Variants in LRBA observed in about 807,000 individuals in gnomAD.
LRBA encodes the protein LPS responsive beige-like anchor protein, also known as lipopolysaccharide-responsive and beige-like anchor protein.
LRBA carries 176 observed loss-of-function variants against 330.0 expected under a neutral mutation model. The observed-to-expected ratio is 0.53, with a 90% CI of 0.47 to 0.60. The LOEUF is 0.60. Ranked by LOEUF, LRBA falls within the 20% of genes least tolerant of loss-of-function variation. LRBA has a pLI of 0.00. For missense variants in LRBA, 3,259 were observed against 3,444.8 expected (o/e 0.95, Z 1.35); for synonymous variants, 1,230 against 1,193.0 (o/e 1.03, Z -0.64).
At chr4:150,665,335 GCA>G (rs1781469651) in intron 37 of LRBA, among the ~76,000 whole-genome samples, 1 of 152,164 alleles carries the variant, frequency 6.6e-6, no homozygotes, top group African/African-American at 2.4e-5. Flanking sequence ...AACAGTCTAA[GCA>G]CAGTGAGCCA....
At chr4:150,562,493 C>G (rs1768494579) in intron 40 of LRBA, among the ~76,000 whole-genome samples, 2 of 152,158 alleles carry the variant, frequency 1.3e-5, no homozygotes, top group South Asian at 4.1e-4. Flanking sequence ...CATCCTCCCA[C>G]ACCCTGCTAT....
chr4:150,491,526 T>C (rs560422645), intron 40 of LRBA, among the ~76,000 whole-genome samples: 34 of 152,236 alleles, frequency 2.2e-4, no homozygotes, highest in African/African-American at 7.7e-4. Flanking sequence ...ATGACACTTT[T>C]AAGGTCACTG....
intron 2 of LRBA, among the ~76,000 whole-genome samples, chr4:151,002,323 T>C (rs538316828): frequency 1.1e-4 from 16 of 151,496 alleles, no homozygotes; most frequent in African/African-American, 3.9e-4. Context: ...TCCCAGCACT[T>C]TGGAAGGCTG....
At chr4:150,649,303 T>C (rs893162399) in intron 37 of LRBA, among the ~76,000 whole-genome samples, 21 of 152,304 alleles carry the variant, frequency 1.4e-4, no homozygotes, top group Non-Finnish European at 3.1e-4. Flanking sequence ...TTTAAGATCC[T>C]TGACAATCAG....
intron 29 of LRBA, among the ~76,000 whole-genome samples, chr4:150,829,446 C>T (rs1399901623): frequency 6.6e-6 from 1 of 152,158 alleles, no homozygotes; most frequent in Non-Finnish European, 1.5e-5. Context: ...TTATCAAGGT[C>T]ACCAAAAAAT....
At chr4:150,692,452 G>A (rs112468522) in intron 36 of LRBA, among the ~76,000 whole-genome samples, 26 of 151,992 alleles carry the variant, frequency 1.7e-4, no homozygotes, top group Non-Finnish European at 2.9e-4. Flanking sequence ...ACTCCTGAGC[G>A]CAAGCAATCC....
At chr4:150,602,429 T>C (rs560266429) in intron 37 of LRBA, among the ~76,000 whole-genome samples, 4 of 152,310 alleles carry the variant, frequency 2.6e-5, no homozygotes, top group South Asian at 4.1e-4. Context: ...ATTTGAGATA[T>C]ATTTAAAGTC....
intron 37 of LRBA, among the ~76,000 whole-genome samples, chr4:150,655,332 G>C (rs1217737594): frequency 6.6e-6 from 1 of 151,962 alleles, no homozygotes; most frequent in East Asian, 1.9e-4. Context: ...ATTCTTCATT[G>C]TGTAAATGTA....
chr4:150,938,961 T>C lies in LRBA; in HGVS notation c.217-9896A>G, dbSNP rs1002951009. On this transcript the variant is annotated intron_variant, in intron 2 of 56. Transcript: ENST00000651943. ...TTATCTATAACTATCTCAAATGATG[T>C]ATCCTTATTCCCCATTCTTATACCA... is the stretch of plus-strand genomic sequence containing the variant. Among the ~76,000 whole-genome samples the C allele has an allele frequency of 3.9e-5, 6 of 152,364 alleles. No homozygotes were observed. In the East Asian group the frequency reaches 1.2e-3, roughly 29 times the overall value.
At chr4:150,335,943 G>T (rs572564897) in intron 48 of LRBA, among the ~76,000 whole-genome samples, 2 of 152,152 alleles carry the variant, frequency 1.3e-5, no homozygotes, top group Admixed American at 6.5e-5. Context: ...TGATCTGCCC[G>T]CCTTGGCCTC....
intron 37 of LRBA, among the ~76,000 whole-genome samples, chr4:150,659,130 G>A (rs1320054765): frequency 2.2e-5 from 3 of 136,928 alleles, no homozygotes; most frequent in Non-Finnish European, 1.6e-5. Context: ...GCCTCTGCCC[G>A]GCCGCCACCC....
chr4:150,428,295 T>C (rs563213295), intron 46 of LRBA, among the ~76,000 whole-genome samples: 1 of 152,148 alleles, frequency 6.6e-6, no homozygotes, highest in African/African-American at 2.4e-5. Context: ...AATTATAAAA[T>C]AGGTTTTTAA....
At chr4:150,906,440 C>A (rs376518174) in intron 11 of LRBA, 35 bp from the exon 12 acceptor site, 1 of 1,164,740 alleles carries the variant, frequency 8.6e-7, no homozygotes, top group Non-Finnish European at 1.3e-6. Context: ...ATTAAAAAAA[C>A]ATATTCTATT....
At chr4:150,943,655 C>T (rs1735917256) in intron 2 of LRBA, among the ~76,000 whole-genome samples, 1 of 152,106 alleles carries the variant, frequency 6.6e-6, no homozygotes, top group African/African-American at 2.4e-5. Flanking sequence ...TTTGTTTTTT[C>T]ACAGATTTCC....
chr4:150,563,215 T>G (rs549990896), intron 40 of LRBA, among the ~76,000 whole-genome samples: 1 of 152,238 alleles, frequency 6.6e-6, no homozygotes, highest in East Asian at 1.9e-4. Context: ...GCTGAAATAT[T>G]ATAGTGTTAG....
At chr4:150,878,112 C>CTGG (rs1754263164) in intron 17 of LRBA, among the ~76,000 whole-genome samples, 1 of 151,774 alleles carries the variant, frequency 6.6e-6, no homozygotes, top group African/African-American at 2.4e-5. Context: ...GTGGGCAGAT[C>CTGG]ACTTGAGAGC....
intron 22 of LRBA, among the ~76,000 whole-genome samples, chr4:150,865,438 T>A (rs539115483): frequency 5.4e-4 from 83 of 152,346 alleles, no homozygotes; most frequent in African/African-American, 1.7e-3. Context: ...TAGCACAATT[T>A]TATTTAGATC....
intron 2 of LRBA, among the ~76,000 whole-genome samples, chr4:150,965,591 C>A (rs1178606105): frequency 2.0e-5 from 3 of 152,156 alleles, no homozygotes; most frequent in Non-Finnish European, 4.4e-5. Context: ...AGGTGGCAGA[C>A]TGCAGTGGCG....
At chr4:150,643,007 T>C (rs1169601463) in intron 37 of LRBA, among the ~76,000 whole-genome samples, 5 of 151,930 alleles carry the variant, frequency 3.3e-5, no homozygotes, top group Admixed American at 6.6e-5. Flanking sequence ...CCTGTATCTT[T>C]CATTTAACCC....
Sources: allele counts gnomAD v4.1 joint callset (sites outside exome capture counted in the v4.1 genomes callset), GRCh38; gene constraint gnomAD v4.1.1; transcripts MANE v1.5; gene names NCBI Gene and HGNC (gene_info 2026-07-23, HGNC 2026-07-21).